Variants in EDEM3 observed in about 807,000 individuals in gnomAD.
The protein encoded by EDEM3 is ER degradation enhancing alpha-mannosidase like protein 3, also known as ER degradation-enhancing alpha-mannosidase-like protein 3.
In EDEM3, 60 loss-of-function variants were observed where a neutral mutation model predicts 110.2. The ratio of observed to expected loss-of-function variants is 0.54; its 90% confidence interval spans 0.44 to 0.67. EDEM3 has a LOEUF of 0.67. Ranked by LOEUF, EDEM3 falls within the 30% of genes least tolerant of loss-of-function variation. The pLI is 0.00. For synonymous variants in EDEM3, 352 were observed against 382.9 expected, an observed-to-expected ratio of 0.92 and a Z score of 0.94; for missense variants, 996 against 1,121.0, an observed-to-expected ratio of 0.89 and a Z score of 1.59.
At chr1:184,744,887 T>C (rs984480049) in intron 2 of EDEM3, among the ~76,000 whole-genome samples, 1 of 152,108 alleles carries the variant, frequency 6.6e-6, no homozygotes, top group Non-Finnish European at 1.5e-5. Flanking sequence ...GACTATGTAC[T>C]GTATGATGCC....
chr1:184,694,218 C>A lies in EDEM3; in HGVS notation c.2644G>T (p.Asp882Tyr). The A allele has an allele frequency of 6.2e-7, 1 of 1,613,462 alleles. No individual in the cohort carries two copies. ...TGTTCTTGAAGCTGGTTATCTAAATCTGTACATTCACCATTAAGATTTGTA... is the reference window on the plus strand; with the variant it reads ...TGTTCTTGAAGCTGGTTATCTAAATATGTACATTCACCATTAAGATTTGTA... ...ETTNLNGECT[D>Y]LDNQLQEQSE... The change falls in exon 20 of 20, where the codon GAT (aspartate) becomes TAT (tyrosine). Residue 882 changes from aspartate (D) to tyrosine (Y), a missense_variant. Transcript: ENST00000318130.
intron 13 of EDEM3, among the ~76,000 whole-genome samples, chr1:184,713,989 TGTTTA>T (rs1463296847): frequency 6.6e-6 from 1 of 152,264 alleles, no homozygotes; most frequent in Non-Finnish European, 1.5e-5. Flanking sequence ...TTTCAAAACA[TGTTTA>T]GCCATTTTGG....
chr1:184,740,302 T>C (rs567933895), intron 2 of EDEM3, among the ~76,000 whole-genome samples: 1 of 152,314 alleles, frequency 6.6e-6, no homozygotes, highest in African/African-American at 2.4e-5. Flanking sequence ...TTTTTGTCAG[T>C]TATGTTATTA....
chr1:184,693,510 C>G lies in EDEM3; in HGVS notation c.*553G>C, dbSNP rs1428322835. 1 of 152,396 alleles carries G rather than the reference C, an allele frequency of 6.6e-6. No homozygotes were observed. Among genetic ancestry groups the G allele is most frequent in the Non-Finnish European group, 1.5e-5 (1 of 68,042 alleles). 9.4% of individuals were successfully genotyped at this position (152,396 alleles called of 1,614,324 possible). ...CTTGATCATTTGTCACTAAATGAAA[C>G]AAGAGAAAGCAATGAGCAAAGACTG... On this transcript the variant is annotated 3_prime_UTR_variant, in exon 20 of 20. Transcript: ENST00000318130.
rs1651034285 is a variant in EDEM3, at chr1:184,723,797, T to C, written c.807A>G (p.Leu269=). Residue 269 remains leucine (L), a synonymous_variant, in exon 8 of 20, where the codon TTA becomes TTG. Transcript: ENST00000318130. ...LWEKRQRSSN[L]VGVTINIHTG... ...TATGAATATTTATAGTCACGCCCACTAAATTACTACTTCGCTGTCTTTTTT... is the reference window on the plus strand; with the variant it reads ...TATGAATATTTATAGTCACGCCCACCAAATTACTACTTCGCTGTCTTTTTT... The C allele has an allele frequency of 1.3e-6, 2 of 1,593,280 alleles. No homozygotes were observed. The highest frequency in any genetic ancestry group is 2.3e-5 in the East Asian group (1 of 43,768).
Position 184,692,524 on chromosome 1 carries a change from GT to G in EDEM3, c.*1538del, listed in dbSNP as rs1649105690. ...TACATAACTGCAATACAGCACTGCTGTTTTTAACAGCTCCACTTACACCTCA... is the reference window on the plus strand; with the variant it reads ...TACATAACTGCAATACAGCACTGCTGTTTTAACAGCTCCACTTACACCTCA... On this transcript the variant is annotated 3_prime_UTR_variant, in exon 20 of 20. Transcript: ENST00000318130. 1 of 152,042 alleles carries G rather than the reference GT, an allele frequency of 6.6e-6. No individual in the cohort carries two copies. The highest frequency in any genetic ancestry group is 1.5e-5 in the Non-Finnish European group (1 of 67,974). 9.4% of individuals were successfully genotyped at this position (152,042 alleles called of 1,614,324 possible).
At chr1:184,719,706 A>C in intron 9 of EDEM3, 138 bp from the exon 10 acceptor site, 1 of 855,428 alleles carries the variant, frequency 1.2e-6, no homozygotes, top group Non-Finnish European at 1.7e-6. Flanking sequence ...TTATATAAAT[A>C]TTTAAGTTAT....
At chr1:184,733,753 G>C (rs1651666565) in intron 5 of EDEM3, among the ~76,000 whole-genome samples, 1 of 151,740 alleles carries the variant, frequency 6.6e-6, no homozygotes, top group Non-Finnish European at 1.5e-5. Flanking sequence ...ACTTGAACCA[G>C]GGAGTCAGAG....
intron 3 of EDEM3, 81 bp from the exon 4 acceptor site, chr1:184,737,145 C>T (rs1458200139): frequency 1.7e-6 from 2 of 1,181,702 alleles, no homozygotes; most frequent in Non-Finnish European, 2.5e-6. Flanking sequence ...TATCTACATT[C>T]TATTGACTGG....
At chr1:184,722,087 T>C (rs1183803230) in intron 8 of EDEM3, among the ~76,000 whole-genome samples, 1 of 152,054 alleles carries the variant, frequency 6.6e-6, no homozygotes, top group African/African-American at 2.4e-5. Context: ...GCATTATAAA[T>C]GCATTAAGCC....
At chr1:184,754,461 A>G (rs1176222584) in intron 1 of EDEM3, 28 bp downstream of exon 1, 4 of 1,612,262 alleles carry the variant, frequency 2.5e-6, no homozygotes, top group Non-Finnish European at 3.4e-6. Context: ...TCACCGAGAA[A>G]CCCACCCCAG....
At chr1:184,740,489 C>T (rs1652076589) in intron 2 of EDEM3, among the ~76,000 whole-genome samples, 1 of 152,182 alleles carries the variant, frequency 6.6e-6, no homozygotes, top group Non-Finnish European at 1.5e-5. Flanking sequence ...AAATAACATG[C>T]TCATCATGAT....
intron 9 of EDEM3, 36 bp from the exon 10 acceptor site, chr1:184,719,604 T>C: frequency 2.5e-6 from 4 of 1,604,552 alleles, no homozygotes; most frequent in Non-Finnish European, 3.4e-6. Context: ...GAAAGTTAGA[T>C]GAAAAAAGAG....
At chr1:184,717,505 C>T (rs920323097) in intron 12 of EDEM3, 35 bp downstream of exon 12, 1 of 1,557,450 alleles carries the variant, frequency 6.4e-7, no homozygotes, top group Non-Finnish European at 8.8e-7. Context: ...AGAATGGAGG[C>T]TAAACTTTAA....
At chr1:184,728,276 T>C (rs1361688067) in intron 6 of EDEM3, among the ~76,000 whole-genome samples, 1 of 152,202 alleles carries the variant, frequency 6.6e-6, no homozygotes, top group Non-Finnish European at 1.5e-5. Context: ...TGCTAAAATG[T>C]GAATTTCAGA....
At position 184,717,567 on chromosome 1, in the gene EDEM3, A is replaced by T; in HGVS notation, c.1218T>A (p.Phe406Leu). 6.2e-7 allele frequency: 1 copy of T among 1,608,238 alleles called. No individual in the cohort carries two copies. Among genetic ancestry groups the T allele is most frequent in the Non-Finnish European group, 8.5e-7 (1 of 1,177,640 alleles). The change falls in exon 12 of 20, where the codon TTT becomes TTA. Residue 406 changes from phenylalanine (F) to leucine (L), a missense_variant. Phe to Leu is a conservative substitution (Grantham distance 22). Transcript: ENST00000318130. Reference protein sequence around the residue: ...HWAQHPLRPEFAESTYFLYKA... With the variant: ...HWAQHPLRPELAESTYFLYKA... ...TATATAAGAAGTAGGTACTTTCTGC[A>T]AATTCTGGCCTTAAAGGATGTTGAG...
At chr1:184,706,908 T>A in intron 17 of EDEM3, 100 bp from the exon 18 acceptor site, 1 of 1,236,712 alleles carries the variant, frequency 8.1e-7, no homozygotes, top group South Asian at 1.6e-5. Flanking sequence ...TAGAACTCAT[T>A]TCTTTTCTAA....
chr1:184,729,903 T>C (rs12066104), intron 6 of EDEM3, among the ~76,000 whole-genome samples: 202 of 152,306 alleles, frequency 1.3e-3, no homozygotes, highest in African/African-American at 4.7e-3. Flanking sequence ...CCTCCATTTA[T>C]AACAAAAACT....
chr1:184,729,375 C>T (rs1433887019), intron 6 of EDEM3, among the ~76,000 whole-genome samples: 1 of 152,116 alleles, frequency 6.6e-6, no homozygotes, highest in Non-Finnish European at 1.5e-5. Context: ...ATGTATAAAT[C>T]ATAATAGAAT....
Sources: gnomAD v4.1 joint callset for allele counts (sites outside exome capture counted in the v4.1 genomes callset) on GRCh38, gnomAD v4.1.1 for gene constraint, MANE v1.5 for transcripts, NCBI Gene and HGNC (gene_info 2026-07-23, HGNC 2026-07-21) for gene names.